Variants in PCNX2 observed in about 807,000 individuals in gnomAD.
PCNX2 encodes the protein pecanex-like protein 2.
A neutral mutation model predicts 223.8 loss-of-function variants in PCNX2; 168 were observed. The observed-to-expected ratio is 0.75, with a 90% CI of 0.66 to 0.85. The LOEUF (loss-of-function observed/expected upper bound fraction) is 0.85, where lower values mean the gene tolerates loss of function less well. Ranked by LOEUF, PCNX2 falls within the 40% of genes least tolerant of loss-of-function variation. The pLI is 0.00. For missense variants in PCNX2, 2,507 were observed against 2,675.5 expected (o/e 0.94, Z 1.39); for synonymous variants, 1,006 against 1,052.6 (o/e 0.96, Z 0.86).
At chr1:233,014,823 T>A in intron 27 of PCNX2, 46 bp from the exon 28 acceptor site, 1 of 1,453,678 alleles carries the variant, frequency 6.9e-7, no homozygotes, top group Non-Finnish European at 9.7e-7. Flanking sequence ...GATTCCAATA[T>A]GTACCAACAC....
At chr1:233,316,988 G>T in the PCNX2 span, among the ~76,000 whole-genome samples, 7 of 152,086 alleles carry the variant, frequency 4.6e-5, no homozygotes, top group African/African-American at 9.7e-5. Context: ...AATGCTTGAC[G>T]TTCACAAAAA....
chr1:233,131,280 C>T (rs1280130574), intron 21 of PCNX2, among the ~76,000 whole-genome samples: 1 of 152,132 alleles, frequency 6.6e-6, no homozygotes, highest in Non-Finnish European at 1.5e-5. Flanking sequence ...AGTAACATTT[C>T]ACATTGTGCA....
chr1:233,124,735 C>G (rs2102743063), intron 21 of PCNX2, among the ~76,000 whole-genome samples: 1 of 152,356 alleles, frequency 6.6e-6, no homozygotes, highest in South Asian at 2.1e-4. Flanking sequence ...ATCATTACAT[C>G]ATTAAGTGCA....
At chr1:233,023,971 G>C (rs1670996078) in intron 26 of PCNX2, among the ~76,000 whole-genome samples, 1 of 152,190 alleles carries the variant, frequency 6.6e-6, no homozygotes, top group African/African-American at 2.4e-5. Context: ...GGAGTGCAGT[G>C]GTGCAATCAC....
intron 15 of PCNX2, among the ~76,000 whole-genome samples, chr1:233,185,852 GA>G (rs139362150): frequency 1.3e-5 from 2 of 152,302 alleles, no homozygotes; most frequent in East Asian, 3.9e-4. Context: ...TCAAAATTGG[GA>G]ATGATAAGGA....
chr1:233,271,039 A>G (rs1660614700), intron 1 of PCNX2, among the ~76,000 whole-genome samples: 1 of 152,220 alleles, frequency 6.6e-6, no homozygotes, highest in African/African-American at 2.4e-5. Context: ...ATTTGAACTC[A>G]TGTTGTCGTT....
chr1:233,093,091 G>A (rs1156276669), intron 22 of PCNX2, among the ~76,000 whole-genome samples: 38 of 152,146 alleles, frequency 2.5e-4, no homozygotes, highest in Non-Finnish European at 4.4e-5. Context: ...GAGCCACTGT[G>A]CCCAGCCAGA....
intron 26 of PCNX2, among the ~76,000 whole-genome samples, chr1:233,020,868 C>A (rs1670866190): frequency 6.6e-6 from 1 of 152,122 alleles, no homozygotes; most frequent in South Asian, 2.1e-4. Context: ...TAGGAGATTT[C>A]AAAAAATTCC....
chr1:233,294,088 A>C, intron 1 of PCNX2: 1 of 701,196 alleles, frequency 1.4e-6, no homozygotes, highest in Middle Eastern at 7.4e-4. Context: ...TGTGATGATC[A>C]CATCCGTTTT....
intron 23 of PCNX2, among the ~76,000 whole-genome samples, chr1:233,059,323 T>C (rs908541870): frequency 6.6e-6 from 1 of 152,242 alleles, no homozygotes; most frequent in African/African-American, 2.4e-5. Flanking sequence ...CTAACATTTA[T>C]GTAGCACTTG....
At chr1:233,221,831 C>T (rs545551339) in intron 10 of PCNX2, among the ~76,000 whole-genome samples, 149 of 152,228 alleles carry the variant, frequency 9.8e-4, no homozygotes, top group African/African-American at 3.5e-3. Context: ...GATTTAAAAA[C>T]CTGAGAAGTA....
the PCNX2 span, among the ~76,000 whole-genome samples, chr1:233,304,307 G>A: frequency 2.6e-5 from 4 of 152,096 alleles, no homozygotes; most frequent in South Asian, 8.3e-4. Flanking sequence ...AATGATATGA[G>A]GATCTCACAG....
At chr1:233,115,851 C>T (rs1675376670) in intron 21 of PCNX2, among the ~76,000 whole-genome samples, 1 of 152,038 alleles carries the variant, frequency 6.6e-6, no homozygotes. Flanking sequence ...TCTAAATATA[C>T]TAAAGACAAA....
chr1:233,109,361 T>C (rs925484926), intron 21 of PCNX2, among the ~76,000 whole-genome samples: 3 of 152,148 alleles, frequency 2.0e-5, no homozygotes, highest in African/African-American at 4.8e-5. Context: ...ATGACACATA[T>C]AGTGGAACGA....
chr1:233,233,311 G>A (rs1024471716), intron 9 of PCNX2, among the ~76,000 whole-genome samples: 1 of 152,116 alleles, frequency 6.6e-6, no homozygotes, highest in Non-Finnish European at 1.5e-5. Flanking sequence ...CCAATCTTGA[G>A]TTCAAACAAC....
At chr1:233,261,112 C>T (rs552497999) in intron 4 of PCNX2, among the ~76,000 whole-genome samples, 173 bp downstream of exon 4, 1 of 151,992 alleles carries the variant, frequency 6.6e-6, no homozygotes. Flanking sequence ...TATACAAATA[C>T]CGATGAGAAA....
rs1302752373 is a variant in PCNX2, at chr1:233,250,729, C to A, written c.2222+10G>T. The A allele has an allele frequency of 1.3e-6, 2 of 1,594,692 alleles. No homozygotes were observed. The highest frequency in any genetic ancestry group is 1.2e-5 in the South Asian group (1 of 86,416). ...ACAGCTCTCAAGCCTGGAAACAAAG[C>A]TCCACTCACCGAGCCTGAGAGAGAC... On this transcript the variant is annotated intron_variant, in intron 8 of 33. Transcript: ENST00000258229.
intron 19 of PCNX2, among the ~76,000 whole-genome samples, chr1:233,141,435 G>C (rs568579807): frequency 3.9e-4 from 59 of 152,332 alleles, no homozygotes; most frequent in Non-Finnish European, 1.5e-4. Flanking sequence ...GGGAGGCCAA[G>C]GTGGACAGAT....
chr1:233,138,736 G>A (rs1001013582), intron 20 of PCNX2, among the ~76,000 whole-genome samples: 1 of 152,172 alleles, frequency 6.6e-6, no homozygotes, highest in South Asian at 2.1e-4. Context: ...TAGAATTCTT[G>A]CCCTGGTCTG....
Sources: gnomAD v4.1 joint callset for allele counts (sites outside exome capture counted in the v4.1 genomes callset) on GRCh38, gnomAD v4.1.1 for gene constraint, MANE v1.5 for transcripts, NCBI Gene and HGNC (gene_info 2026-07-23, HGNC 2026-07-21) for gene names.